The following LRRC1 variants were observed in gnomAD, a reference collection of about 807,000 sequenced individuals.
The protein encoded by LRRC1 is leucine rich repeat containing 1, also known as leucine-rich repeat-containing protein 1.
LRRC1 carries 28 observed loss-of-function variants against 69.9 expected under a neutral mutation model. That is an observed-to-expected ratio of 0.40 (90% CI 0.30 to 0.55). The LOEUF (loss-of-function observed/expected upper bound fraction) is 0.55, where lower values mean the gene tolerates loss of function less well. Ranked by LOEUF, LRRC1 falls within the 20% of genes least tolerant of loss-of-function variation. The probability of loss-of-function intolerance (pLI) is 0.47; values close to 1 mark genes in which losing one functional copy is unlikely to be tolerated. For missense variants in LRRC1, 498 were observed against 609.0 expected (o/e 0.82, Z 1.92); for synonymous variants, 236 against 240.2 (o/e 0.98, Z 0.16).
At chr6:53,841,200 C>T (rs543598401) in intron 1 of LRRC1, among the ~76,000 whole-genome samples, 3 of 152,282 alleles carry the variant, frequency 2.0e-5, no homozygotes, top group East Asian at 3.9e-4. Context: ...GGACTTACCT[C>T]TTCTGGAGAG....
Position 53,923,182 on chromosome 6 carries a change from T to C in LRRC1, c.*389T>C, listed in dbSNP as rs1173319870. The C allele has an allele frequency of 6.2e-6, 1 of 162,454 alleles. No individual in the cohort carries two copies. Among genetic ancestry groups the C allele is most frequent in the African/African-American group, 2.4e-5 (1 of 41,840 alleles). The allele number at this position is 162,454 out of a possible 1,614,324, so 10.1% of individuals were successfully genotyped here. On this transcript the variant is annotated 3_prime_UTR_variant, in exon 14 of 14. Transcript: ENST00000370888. ...TTCCCTTGGACCTACTGATGAGAGA[T>C]AGTTTTATGTATGGGGAAAAATGGA...
chr6:53,822,778 G>A (rs772864521), intron 1 of LRRC1, among the ~76,000 whole-genome samples: 7 of 152,110 alleles, frequency 4.6e-5, no homozygotes, highest in Non-Finnish European at 8.8e-5. Context: ...TTCATAATGT[G>A]GGGGAAGAAC....
chr6:53,838,840 G>A (rs886281594), intron 1 of LRRC1, among the ~76,000 whole-genome samples: 2 of 152,068 alleles, frequency 1.3e-5, no homozygotes, highest in Non-Finnish European at 2.9e-5. Context: ...GCATTCATTT[G>A]CTGAGATTTA....
chr6:53,919,389 A>T (rs1279697195), intron 11 of LRRC1, 109 bp from the exon 12 acceptor site: 12 of 915,998 alleles, frequency 1.3e-5, no homozygotes, highest in Non-Finnish European at 1.9e-5. Context: ...TTTGAAACCA[A>T]TCTCAGGAAG....
At chr6:53,826,240 G>A (rs1765254441) in intron 1 of LRRC1, among the ~76,000 whole-genome samples, 1 of 148,224 alleles carries the variant, frequency 6.7e-6, no homozygotes, top group African/African-American at 2.5e-5. Flanking sequence ...AGCTGTCCAG[G>A]TGTTCCTTTT....
chr6:53,888,249 A>G (rs1314092345), intron 4 of LRRC1, among the ~76,000 whole-genome samples: 4 of 152,226 alleles, frequency 2.6e-5, no homozygotes, highest in Non-Finnish European at 5.9e-5. Context: ...AGGAATCTGC[A>G]AAAATTATTA....
intron 1 of LRRC1, among the ~76,000 whole-genome samples, chr6:53,803,009 C>T (rs1056692664): frequency 3.9e-5 from 6 of 152,176 alleles, no homozygotes; most frequent in African/African-American, 1.4e-4. Context: ...CCCCAGTTCC[C>T]TTTTCCTGGG....
intron 1 of LRRC1, among the ~76,000 whole-genome samples, chr6:53,797,138 C>A (rs1314941321): frequency 6.6e-6 from 1 of 151,752 alleles, no homozygotes; most frequent in Non-Finnish European, 1.5e-5. Flanking sequence ...TTGGGGAATT[C>A]AGCTTGGCAT....
chr6:53,889,496 T>G (rs533417054), intron 4 of LRRC1, among the ~76,000 whole-genome samples: 32 of 152,280 alleles, frequency 2.1e-4, no homozygotes, highest in African/African-American at 7.7e-4. Flanking sequence ...GAAATAGTAT[T>G]CCTGGATGAA....
At chr6:53,809,167 T>C (rs981407078) in intron 1 of LRRC1, among the ~76,000 whole-genome samples, 1 of 152,234 alleles carries the variant, frequency 6.6e-6, no homozygotes, top group African/African-American at 2.4e-5. Context: ...TATTTTTTCC[T>C]GTTCTCAAAG....
chr6:53,900,870 A>G (rs1462217566), intron 8 of LRRC1, among the ~76,000 whole-genome samples: 2 of 152,216 alleles, frequency 1.3e-5, no homozygotes, highest in East Asian at 3.8e-4. Flanking sequence ...TTATCGTAGG[A>G]TTGCTGTCTT....
At chr6:53,807,255 C>T (rs146541408) in intron 1 of LRRC1, among the ~76,000 whole-genome samples, 239 of 152,230 alleles carry the variant, frequency 1.6e-3, no homozygotes, top group African/African-American at 5.5e-3. Flanking sequence ...GGGTCTCTGC[C>T]GGATCCTGAC....
Position 53,920,765 on chromosome 6 carries a change from T to C in LRRC1, c.1416+4T>C. The C allele has an allele frequency of 6.2e-7, 1 of 1,611,916 alleles. No individual in the cohort carries two copies. The highest frequency in any genetic ancestry group is 8.5e-7 in the Non-Finnish European group (1 of 1,178,146). On this transcript the variant is annotated splice_donor_region_variant and intron_variant, in intron 13 of 13. Coordinates refer to ENST00000370888, the MANE Select transcript of LRRC1 (RefSeq NM_018214.5). The stretch of plus-strand genomic sequence containing the variant: ...AGATGAAGAAGACAATGAGACGGTA[T>C]GGAAATGCAGATTCTTTGCCTCTGT...
At chr6:53,821,688 T>C (rs1765119592) in intron 1 of LRRC1, among the ~76,000 whole-genome samples, 1 of 152,224 alleles carries the variant, frequency 6.6e-6, no homozygotes, top group African/African-American at 2.4e-5. Context: ...ACATTTTCTC[T>C]TGTCCCCTTC....
intron 1 of LRRC1, among the ~76,000 whole-genome samples, chr6:53,811,352 G>A (rs957910160): frequency 3.9e-5 from 6 of 152,336 alleles, no homozygotes; most frequent in Admixed American, 2.0e-4. Flanking sequence ...GGCAGGTGAC[G>A]ATGGTGGCTG....
intron 13 of LRRC1, among the ~76,000 whole-genome samples, chr6:53,921,077 C>A (rs1445172836): frequency 1.3e-5 from 2 of 152,108 alleles, no homozygotes; most frequent in African/African-American, 2.4e-5. Context: ...AAGCCATCCC[C>A]CGACCTCAGC....
At chr6:53,799,138 C>T (rs764469163) in intron 1 of LRRC1, among the ~76,000 whole-genome samples, 8 of 152,226 alleles carry the variant, frequency 5.3e-5, no homozygotes, top group Non-Finnish European at 1.0e-4. Flanking sequence ...ATTTGAATTT[C>T]ACCTTGCCAC....
intron 4 of LRRC1, among the ~76,000 whole-genome samples, chr6:53,886,157 C>T (rs1182567434): frequency 1.3e-5 from 2 of 152,138 alleles, no homozygotes; most frequent in Non-Finnish European, 2.9e-5. Context: ...AGTGAGTCCT[C>T]ACATAACATC....
intron 1 of LRRC1, among the ~76,000 whole-genome samples, chr6:53,822,969 A>C (rs536936456): frequency 1.1e-4 from 17 of 152,298 alleles, no homozygotes; most frequent in African/African-American, 4.1e-4. Context: ...CCGTCCTTGC[A>C]GCTCTTCCAG....
Sources: gnomAD v4.1 joint callset for allele counts (sites outside exome capture counted in the v4.1 genomes callset) on GRCh38, gnomAD v4.1.1 for gene constraint, MANE v1.5 for transcripts, NCBI Gene and HGNC (gene_info 2026-07-23, HGNC 2026-07-21) for gene names.